The following BMPR1B variants were observed in gnomAD, a reference collection of about 807,000 sequenced individuals.
BMPR1B encodes the protein bone morphogenetic protein receptor type 1B.
BMPR1B carries 12 observed loss-of-function variants against 59.1 expected under a neutral mutation model. The observed-to-expected ratio is 0.20, with a 90% CI of 0.13 to 0.33. The LOEUF is 0.33. BMPR1B is among the 10% of genes least tolerant of loss of function. The probability of loss-of-function intolerance (pLI) is 1.00; values close to 1 mark genes in which losing one functional copy is unlikely to be tolerated. For missense variants in BMPR1B, 550 were observed against 610.9 expected, an observed-to-expected ratio of 0.90 and a Z score of 1.05; for synonymous variants, 237 against 207.3, an observed-to-expected ratio of 1.14 and a Z score of -1.23.
intron 3 of BMPR1B, among the ~76,000 whole-genome samples, chr4:95,020,841 G>A (rs1248020863): frequency 6.6e-6 from 1 of 152,128 alleles, no homozygotes; most frequent in Non-Finnish European, 1.5e-5. Context: ...CTCCTGAGTA[G>A]CTAGGATTAC....
At chr4:94,983,095 C>T (rs1246600494) in intron 2 of BMPR1B, among the ~76,000 whole-genome samples, 2 of 152,078 alleles carry the variant, frequency 1.3e-5, no homozygotes, top group Admixed American at 6.6e-5. Context: ...AATGCTCTTC[C>T]TACAGGTCTT....
intron 2 of BMPR1B, among the ~76,000 whole-genome samples, chr4:94,955,563 A>C (rs983094152): frequency 2.0e-5 from 3 of 152,170 alleles, no homozygotes; most frequent in Non-Finnish European, 1.5e-5. Flanking sequence ...ACTAATCCTA[A>C]GAGCAAACAC....
At chr4:94,986,735 A>G (rs1578884592) in intron 2 of BMPR1B, among the ~76,000 whole-genome samples, 1 of 152,274 alleles carries the variant, frequency 6.6e-6, no homozygotes, top group East Asian at 1.9e-4. Flanking sequence ...TTTAAAAAAT[A>G]TATTTTGATT....
At chr4:94,930,237 A>G (rs1441301339) in intron 2 of BMPR1B, among the ~76,000 whole-genome samples, 2 of 152,114 alleles carry the variant, frequency 1.3e-5, no homozygotes, top group African/African-American at 4.8e-5. Flanking sequence ...AAGTGAAGAA[A>G]CTTCAGTATA....
chr4:95,094,806 A>G (rs888851710), intron 3 of BMPR1B, among the ~76,000 whole-genome samples: 1 of 152,118 alleles, frequency 6.6e-6, no homozygotes, highest in Admixed American at 6.6e-5. Context: ...CCTGCATAGC[A>G]TGTCCAGAAA....
In BMPR1B at chr4:94,873,336, C is replaced by G. The variant is rs17022418; in HGVS notation, c.-182-2495C>G. The stretch of plus-strand genomic sequence containing the variant: ...CGTTTGGAGATGACTTTTTGCAGAT[C>G]GAATCTTGTACCCGGATTTCCCATC... On this transcript the variant is annotated intron_variant, in intron 1 of 12. Transcript: ENST00000515059. Among the ~76,000 whole-genome samples the G allele has an allele frequency of 9.2e-5, 14 of 151,754 alleles. No homozygotes were observed. The South Asian group carries it at 2.9e-3, about 32-fold the overall frequency.
intron 11 of BMPR1B, 102 bp from the exon 12 acceptor site, chr4:95,152,541 G>A (rs1375969962): frequency 9.2e-7 from 1 of 1,083,810 alleles, no homozygotes; most frequent in Non-Finnish European, 1.3e-6. Flanking sequence ...GAACTTGTCT[G>A]TAATACTGAT....
chr4:94,917,268 A>T (rs1225784324), intron 2 of BMPR1B, among the ~76,000 whole-genome samples: 1 of 152,190 alleles, frequency 6.6e-6, no homozygotes, highest in Non-Finnish European at 1.5e-5. Flanking sequence ...GTGAGACTGT[A>T]AGAAGGGGGC....
chr4:95,141,898 A>C lies in BMPR1B; in HGVS notation c.1077-6850A>C, dbSNP rs72878132. Among the ~76,000 whole-genome samples the C allele has an allele frequency of 6.9e-4, 105 of 152,338 alleles. 1 individual carries two copies. The highest frequency in any genetic ancestry group is 2.5e-3 in the African/African-American group (102 of 41,584). Reference sequence around the variant, plus strand: ...AAGTACAAAAGAGATAGGGTAGCTTAGTTCGGAGGGTACTGAATTTCTTGA... The same window carrying C: ...AAGTACAAAAGAGATAGGGTAGCTTCGTTCGGAGGGTACTGAATTTCTTGA... On this transcript the variant is annotated intron_variant, in intron 10 of 12. Transcript: ENST00000515059.
intron 2 of BMPR1B, among the ~76,000 whole-genome samples, chr4:94,937,707 A>AACACACACACACACAGACACACACAC (rs67140382): frequency 6.6e-6 from 1 of 151,084 alleles, no homozygotes; most frequent in African/African-American, 2.4e-5. Context: ...TATATGTATA[A>AACACACACACACACAGACACACACAC]ACACACACAC....
chr4:94,843,776 G>A (rs1296016036), intron 1 of BMPR1B, among the ~76,000 whole-genome samples: 5 of 152,014 alleles, frequency 3.3e-5, no homozygotes, highest in Non-Finnish European at 7.4e-5. Context: ...AAAGCCTTAC[G>A]AGCCGTTTCC....
At chr4:95,080,612 T>C (rs1729063593) in intron 3 of BMPR1B, among the ~76,000 whole-genome samples, 1 of 152,194 alleles carries the variant, frequency 6.6e-6, no homozygotes, top group Non-Finnish European at 1.5e-5. Flanking sequence ...TTTCAAAGTA[T>C]GATTTGCCAA....
intron 2 of BMPR1B, among the ~76,000 whole-genome samples, chr4:94,919,840 A>G (rs1362670508): frequency 1.3e-5 from 2 of 152,222 alleles, no homozygotes; most frequent in East Asian, 1.9e-4. Flanking sequence ...ATGTTTTTCT[A>G]TTAGGAGATT....
intron 2 of BMPR1B, among the ~76,000 whole-genome samples, chr4:94,899,292 T>TAAAA (rs1727709844): frequency 6.6e-6 from 1 of 151,880 alleles, no homozygotes; most frequent in African/African-American, 2.4e-5. Context: ...AACTCTTTTT[T>TAAAA]AAAATAACAT....
At chr4:94,998,376 T>C (rs1578901550) in intron 3 of BMPR1B, among the ~76,000 whole-genome samples, 1 of 946 alleles carries the variant, frequency 1.1e-3, no homozygotes, top group Non-Finnish European at 0.015. Flanking sequence ...ACACTACTCC[T>C]TTTTTTTTTT....
At chr4:95,053,913 C>T (rs1726720089) in intron 3 of BMPR1B, among the ~76,000 whole-genome samples, 1 of 152,086 alleles carries the variant, frequency 6.6e-6, no homozygotes, top group African/African-American at 2.4e-5. Flanking sequence ...TTAAATATTC[C>T]TTGACAACAT....
intron 2 of BMPR1B, among the ~76,000 whole-genome samples, chr4:94,948,360 G>T (rs1729797184): frequency 1.3e-5 from 2 of 152,162 alleles, no homozygotes; most frequent in South Asian, 4.1e-4. Context: ...AGAAAGGCCA[G>T]AGTAGTACCA....
chr4:95,061,757 T>C (rs1045241875), intron 3 of BMPR1B, among the ~76,000 whole-genome samples: 9 of 152,184 alleles, frequency 5.9e-5, no homozygotes, highest in Non-Finnish European at 1.3e-4. Context: ...TTGTTTAGGC[T>C]GTATGTTTAG....
intron 2 of BMPR1B, among the ~76,000 whole-genome samples, chr4:94,942,098 G>A (rs552400381): frequency 2.0e-5 from 3 of 152,218 alleles, no homozygotes; most frequent in Non-Finnish European, 4.4e-5. Context: ...GTCTCAGATT[G>A]TTTTGCATGT....
Sources: gnomAD v4.1 joint callset for allele counts (sites outside exome capture counted in the v4.1 genomes callset) on GRCh38, gnomAD v4.1.1 for gene constraint, MANE v1.5 for transcripts, NCBI Gene and HGNC (gene_info 2026-07-23, HGNC 2026-07-21) for gene names.